Variants in WWOX observed in about 807,000 individuals in gnomAD.
WWOX encodes the protein WW domain containing oxidoreductase.
In WWOX, 69 loss-of-function variants were observed where a neutral mutation model predicts 46.2. That is an observed-to-expected ratio of 1.49 (90% CI 1.23 to 1.82). WWOX has a LOEUF of 1.82. WWOX is among the 40% of genes most tolerant of loss of function. The pLI is 0.00. For missense variants in WWOX, 919 were observed against 542.6 expected (o/e 1.69, Z -6.89); for synonymous variants, 359 against 202.6 (o/e 1.77, Z -6.56).
chr16:78,512,435 T>C (rs1486208674), intron 8 of WWOX, among the ~76,000 whole-genome samples: 1 of 152,194 alleles, frequency 6.6e-6, no homozygotes, highest in Non-Finnish European at 1.5e-5. Context: ...ATTTTAAAAA[T>C]GTGTTGAGTA....
At chr16:78,171,285 G>T (rs988551986) in intron 5 of WWOX, among the ~76,000 whole-genome samples, 1 of 152,074 alleles carries the variant, frequency 6.6e-6, no homozygotes, top group African/African-American at 2.4e-5. Flanking sequence ...TAAATTGCTC[G>T]CACTTTTAAA....
intron 8 of WWOX, among the ~76,000 whole-genome samples, chr16:79,209,597 C>T (rs778204552): frequency 2.0e-5 from 3 of 152,120 alleles, no homozygotes; most frequent in Admixed American, 6.5e-5. Context: ...CCACTCTGGT[C>T]GTTTTGGCAG....
intron 8 of WWOX, among the ~76,000 whole-genome samples, chr16:78,723,657 C>T (rs867215095): frequency 2.4e-5 from 2 of 82,452 alleles, no homozygotes; most frequent in Admixed American, 1.3e-4. Flanking sequence ...TTCTACCTCT[C>T]GGGATTCTGA....
chr16:78,198,142 C>G (rs984081727), intron 5 of WWOX, among the ~76,000 whole-genome samples: 4 of 152,054 alleles, frequency 2.6e-5, no homozygotes, highest in African/African-American at 9.7e-5. Context: ...TCTGAGGAGT[C>G]TGGCTCCTGG....
chr16:78,472,758 G>A (rs1256824404), intron 8 of WWOX, among the ~76,000 whole-genome samples: 4 of 137,620 alleles, frequency 2.9e-5, no homozygotes, highest in African/African-American at 1.1e-4. Context: ...GCAGTGAGCC[G>A]AGATCTTGCC....
chr16:78,511,334 C>T (rs1171095169), intron 8 of WWOX, among the ~76,000 whole-genome samples: 1 of 152,102 alleles, frequency 6.6e-6, no homozygotes, highest in African/African-American at 2.4e-5. Context: ...ACACTATGAC[C>T]GTTGACGAAG....
intron 8 of WWOX, among the ~76,000 whole-genome samples, chr16:79,064,206 C>G (rs1012282004): frequency 6.6e-6 from 1 of 152,124 alleles, no homozygotes; most frequent in African/African-American, 2.4e-5. Flanking sequence ...AGAGTGGGGT[C>G]CTTTCACTGA....
chr16:78,703,889 T>C (rs1377948991), intron 8 of WWOX, among the ~76,000 whole-genome samples: 1 of 152,136 alleles, frequency 6.6e-6, no homozygotes, highest in African/African-American at 2.4e-5. Flanking sequence ...TCTCAATCTC[T>C]CAGTGGGAAA....
rs148447689 is a variant in WWOX, at chr16:78,784,778, C to T, written c.1056+352026C>T. On this transcript the variant is annotated intron_variant, in intron 8 of 8. Transcript: ENST00000566780. The stretch of plus-strand genomic sequence containing the variant: ...GAGAGCACAGTGACTGCAAGGTCAG[C>T]TCCTGACCTTCATAATAAGGACTCA... Among the ~76,000 whole-genome samples the T allele has an allele frequency of 7.9e-5, 12 of 152,206 alleles. No individual in the cohort carries two copies. In the East Asian group the frequency reaches 1.2e-3, roughly 15 times the overall value.
intron 8 of WWOX, among the ~76,000 whole-genome samples, chr16:79,047,636 G>A (rs1344116789): frequency 1.4e-5 from 2 of 140,034 alleles, no homozygotes; most frequent in Non-Finnish European, 3.0e-5. Flanking sequence ...AGTTCTGGAT[G>A]TCAGAACTGG....
At chr16:78,203,513 T>C (rs1597347972) in intron 5 of WWOX, among the ~76,000 whole-genome samples, 2 of 152,338 alleles carry the variant, frequency 1.3e-5, no homozygotes, top group African/African-American at 2.4e-5. Context: ...ATATTCGATA[T>C]GTTTTTTCTT....
chr16:78,812,934 C>G (rs915372951), intron 8 of WWOX, among the ~76,000 whole-genome samples: 4 of 152,038 alleles, frequency 2.6e-5, no homozygotes, highest in Admixed American at 2.0e-4. Flanking sequence ...GTGAATTTGT[C>G]TTAAAATGGA....
chr16:78,641,953 A>T (rs2046725286), intron 8 of WWOX, among the ~76,000 whole-genome samples: 2 of 152,138 alleles, frequency 1.3e-5, no homozygotes. Context: ...AAAAAGGATT[A>T]TTCCTCCCCT....
chr16:78,720,124 C>G (rs1174673596), intron 8 of WWOX, among the ~76,000 whole-genome samples: 1 of 152,138 alleles, frequency 6.6e-6, no homozygotes, highest in Non-Finnish European at 1.5e-5. Context: ...GCTTCTTGGT[C>G]TTACTGACAA....
chr16:78,645,440 G>C (rs1318088038), intron 8 of WWOX, among the ~76,000 whole-genome samples: 1 of 152,126 alleles, frequency 6.6e-6, no homozygotes, highest in African/African-American at 2.4e-5. Context: ...AGGAATGCCT[G>C]AGCTGGGTCA....
chr16:78,448,589 T>C (rs2083614533), intron 8 of WWOX, among the ~76,000 whole-genome samples: 1 of 152,124 alleles, frequency 6.6e-6, no homozygotes, highest in Non-Finnish European at 1.5e-5. Flanking sequence ...CAGGCTTTAT[T>C]CAATGGCCAT....
At chr16:78,188,457 C>T (rs1364502604) in intron 5 of WWOX, among the ~76,000 whole-genome samples, 1 of 146,842 alleles carries the variant, frequency 6.8e-6, no homozygotes, top group East Asian at 2.0e-4. Flanking sequence ...CACTGCACTC[C>T]AGCCTGGGTG....
At chr16:78,993,247 G>A (rs374264790) in intron 8 of WWOX, among the ~76,000 whole-genome samples, 19 of 149,774 alleles carry the variant, frequency 1.3e-4, no homozygotes, top group South Asian at 4.3e-4. Flanking sequence ...TAACGGCGCC[G>A]AAACTTTACT....
chr16:79,212,383 C>G lies in WWOX; in HGVS notation c.*587C>G. On this transcript the variant is annotated 3_prime_UTR_variant, in exon 9 of 9. Transcript: ENST00000566780. ...GAGGGAGTAGAATACGCAGAACTAC[C>G]AGGTGGCAAAGTACTTGTCATAGAC... The G allele has an allele frequency of 2.0e-6, 1 of 490,108 alleles. No homozygotes were observed. The allele number at this position is 490,108 out of a possible 1,614,324, so 30.4% of individuals were successfully genotyped here.
Sources: gnomAD v4.1 joint callset for allele counts (sites outside exome capture counted in the v4.1 genomes callset) on GRCh38, gnomAD v4.1.1 for gene constraint, MANE v1.5 for transcripts, NCBI Gene and HGNC (gene_info 2026-07-23, HGNC 2026-07-21) for gene names.